The following OPRL1 variants were observed in gnomAD, a reference collection of about 807,000 sequenced individuals.
The protein encoded by OPRL1 is nociceptin receptor.
In OPRL1, 5 loss-of-function variants were observed where a neutral mutation model predicts 15.5. That is an observed-to-expected ratio of 0.32 (90% confidence interval 0.17 to 0.68). The LOEUF (loss-of-function observed/expected upper bound fraction) is 0.68. Ranked by LOEUF, OPRL1 falls within the 30% of genes least tolerant of loss-of-function variation. The probability of loss-of-function intolerance (pLI) is 0.72; values close to 1 mark genes in which losing one functional copy is unlikely to be tolerated. For synonymous variants in OPRL1, 223 were observed against 230.2 expected (o/e 0.97, Z 0.28); for missense variants, 406 against 515.3 (o/e 0.79, Z 2.05).
Position 64,099,736 on chromosome 20 carries a change from CTG to C in OPRL1, c.*939_*940del, listed in dbSNP as rs1979619116. 6.6e-6 allele frequency: 1 copy of C among 152,338 alleles called. No individual in the cohort carries two copies. Among genetic ancestry groups the C allele is most frequent in the Admixed American group, 6.5e-5 (1 of 15,290 alleles). The allele number at this position is 152,338 out of a possible 1,614,324, so 9.4% of individuals were successfully genotyped here. A position where few individuals can be genotyped will look rare whatever the true frequency, so the allele number is the denominator to read the frequency against. ...GCGCCGCGTGACCACATGGGCAGCT[CTG>C]TTCACAAAGTGGAGGCCTCGTTTTC... On this transcript the variant is annotated 3_prime_UTR_variant, in exon 5 of 5. Coordinates refer to ENST00000336866, the MANE Select transcript of OPRL1 (RefSeq NM_182647.4).
Position 64,083,869 on chromosome 20 carries a change from C to T in OPRL1, c.-185+3517C>T. ...GGGCGCGGACTCGCCCGCGGGCCTCCGCTGCCTTGAGGACGCCGAGGAGCC... is the reference window on the plus strand; with the variant it reads ...GGGCGCGGACTCGCCCGCGGGCCTCTGCTGCCTTGAGGACGCCGAGGAGCC... On this transcript the variant is annotated intron_variant, in intron 1 of 4. Transcript: ENST00000336866. This position sits in a 1 kb window ranked among gnomAD's most constrained non-coding sequence, Gnocchi z 4.9. 2 of 1,426,182 alleles carry T rather than the reference C, an allele frequency of 1.4e-6. No homozygotes were observed. Among genetic ancestry groups the T allele is most frequent in the South Asian group, 1.4e-5 (1 of 70,566 alleles). 88.3% of individuals were successfully genotyped at this position (1,426,182 alleles called of 1,614,324 possible). A position where few individuals can be genotyped will look rare whatever the true frequency, so the allele number is the denominator to read the frequency against.
chr20:64,088,614 A>G (rs1228687128), intron 1 of OPRL1, among the ~76,000 whole-genome samples: 1 of 137,116 alleles, frequency 7.3e-6, no homozygotes, highest in African/African-American at 2.7e-5. Context: ...ATCTGTGCAG[A>G]GTGGCCAGGA....
At chr20:64,084,023 C>T in intron 1 of OPRL1, 1 of 1,503,700 alleles carries the variant, frequency 6.7e-7, no homozygotes, top group Non-Finnish European at 8.8e-7. Flanking sequence ...CAGCAGGTCG[C>T]CGAAGAGCAG....
chr20:64,097,482 C>T lies in OPRL1; in HGVS notation c.234-320C>T, dbSNP rs745754330. Reference sequence around the variant, plus strand: ...TAAACCTTTGCTCCTGTGCAGAATCCGGGGTGTGTTCTGGTAGCCTACATG... The same window carrying T: ...TAAACCTTTGCTCCTGTGCAGAATCTGGGGTGTGTTCTGGTAGCCTACATG... On this transcript the variant is annotated intron_variant, in intron 3 of 4. Transcript: ENST00000336866. The surrounding 1 kb of genome is among the most constrained non-coding windows in gnomAD (Gnocchi z 4.2). Among the ~76,000 whole-genome samples, 5 of 152,154 alleles carry T rather than the reference C, an allele frequency of 3.3e-5. No individual in the cohort carries two copies. Among genetic ancestry groups the T allele is most frequent in the Admixed American group, 1.3e-4 (2 of 15,280 alleles).
chr20:64,085,713 C>A (rs946670277), intron 1 of OPRL1, among the ~76,000 whole-genome samples: 1 of 152,204 alleles, frequency 6.6e-6, no homozygotes, highest in Non-Finnish European at 1.5e-5. Flanking sequence ...CGCTGGGACA[C>A]CTTGCTGGGA....
rs891076399 is a variant in OPRL1 at position 64,090,655 on chromosome 20, G to A, written c.-184-1311G>A. On this transcript the variant is annotated intron_variant, in intron 1 of 4. Coordinates refer to ENST00000336866, the MANE Select transcript of OPRL1 (RefSeq NM_182647.4). This position sits in a 1 kb window ranked among gnomAD's most constrained non-coding sequence, Gnocchi z 4.9. The stretch of plus-strand genomic sequence containing the variant: ...TCAGTGGATCAGGCATGGGACCCCC[G>A]TGCTGAGAAGGAGGCAACTCTGAAG... Among the ~76,000 whole-genome samples, 3 of 152,194 alleles carry A rather than the reference G, an allele frequency of 2.0e-5. No homozygotes were observed. Among genetic ancestry groups the A allele is most frequent in the South Asian group, 2.1e-4 (1 of 4,834 alleles).
intron 1 of OPRL1, among the ~76,000 whole-genome samples, chr20:64,086,059 G>A (rs2060046413): frequency 1.3e-5 from 2 of 152,202 alleles, no homozygotes; most frequent in South Asian, 4.1e-4. Context: ...CTGGTCTCCA[G>A]AAGCAGCAGT....
Position 64,083,369 on chromosome 20 carries a change from G to A in OPRL1, c.-185+3017G>A, listed in dbSNP as rs767190967. The A allele has an allele frequency of 6.2e-7, 1 of 1,607,492 alleles. No individual in the cohort carries two copies. Reference sequence around the variant, plus strand: ...CTGGGGAGTGGCAGCAAAAAGACCAGCGAGCCTTCGGAGAATTATAACTTT... The same window carrying A: ...CTGGGGAGTGGCAGCAAAAAGACCAACGAGCCTTCGGAGAATTATAACTTT... On this transcript the variant is annotated intron_variant, in intron 1 of 4. Coordinates refer to ENST00000336866, the MANE Select transcript of OPRL1 (RefSeq NM_182647.4). This position sits in a 1 kb window ranked among gnomAD's most constrained non-coding sequence, Gnocchi z 4.9.
intron 1 of OPRL1, among the ~76,000 whole-genome samples, chr20:64,082,579 C>T (rs1020132055): frequency 2.6e-5 from 4 of 152,122 alleles, no homozygotes; most frequent in African/African-American, 9.7e-5. Flanking sequence ...TTCCTGCGGT[C>T]CCGCTTCTGT....
Position 64,099,056 on chromosome 20 carries a change from C to T in OPRL1, c.*257C>T, listed in dbSNP as rs897990228. On this transcript the variant is annotated 3_prime_UTR_variant, in exon 5 of 5. Coordinates refer to ENST00000336866, the MANE Select transcript of OPRL1 (RefSeq NM_182647.4). ...TAAAGCTGCCCTCCTGGTGCAGGGCCGAGGGGACACAAGGACCTACCTGGA... is the reference window on the plus strand; with the variant it reads ...TAAAGCTGCCCTCCTGGTGCAGGGCTGAGGGGACACAAGGACCTACCTGGA... 2 of 505,958 alleles carry T rather than the reference C, an allele frequency of 4.0e-6. No homozygotes were observed. The highest frequency in any genetic ancestry group is 1.9e-5 in the African/African-American group (1 of 51,456). 31.3% of individuals were successfully genotyped at this position (505,958 alleles called of 1,614,324 possible).
rs1979691508 is a variant in OPRL1, at chr20:64,100,424, T to C, written c.*1625T>C. The C allele has an allele frequency of 6.6e-6, 1 of 152,238 alleles. No homozygotes were observed. Among genetic ancestry groups the C allele is most frequent in the African/African-American group, 2.4e-5 (1 of 41,448 alleles). The allele number at this position is 152,238 out of a possible 1,614,324, so 9.4% of individuals were successfully genotyped here. The stretch of plus-strand genomic sequence containing the variant: ...GGAGGCTCATGCTGTCTCCATGACG[T>C]CTGTGGCAGGAGTCCCTGAGGACGG... On this transcript the variant is annotated 3_prime_UTR_variant, in exon 5 of 5. Coordinates refer to ENST00000336866, the MANE Select transcript of OPRL1 (RefSeq NM_182647.4).
Position 64,090,649 on chromosome 20 carries a change from AC to A in OPRL1, c.-184-1312del, listed in dbSNP as rs568517941. 3.8e-4 allele frequency among the ~76,000 whole-genome samples: 58 copies of A among 151,566 alleles called. No individual in the cohort carries two copies. In the South Asian group the frequency reaches 0.011, roughly 29 times the overall value. ...TTCATCTCAGTGGATCAGGCATGGGACCCCCGTGCTGAGAAGGAGGCAACTC... is the reference window on the plus strand; with the variant it reads ...TTCATCTCAGTGGATCAGGCATGGGACCCCGTGCTGAGAAGGAGGCAACTC... On this transcript the variant is annotated intron_variant, in intron 1 of 4. Coordinates refer to ENST00000336866, the MANE Select transcript of OPRL1 (RefSeq NM_182647.4). This position sits in a 1 kb window ranked among gnomAD's most constrained non-coding sequence, Gnocchi z 4.9.
intron 1 of OPRL1, among the ~76,000 whole-genome samples, chr20:64,088,132 C>T (rs1034041830): frequency 1.3e-5 from 2 of 152,256 alleles, no homozygotes; most frequent in Non-Finnish European, 2.9e-5. Flanking sequence ...CAGGCCTAGC[C>T]TGGCAGCCGT....
At chr20:64,081,303 C>T (rs1369387452) in intron 1 of OPRL1, among the ~76,000 whole-genome samples, 3 of 152,220 alleles carry the variant, frequency 2.0e-5, no homozygotes, top group African/African-American at 7.2e-5. Context: ...ATTCAGCCCA[C>T]ATAACACTCC....
At position 64,083,242 on chromosome 20, in the gene OPRL1, G is replaced by T; in HGVS notation, c.-185+2890G>T. On this transcript the variant is annotated intron_variant, in intron 1 of 4. Coordinates refer to ENST00000336866, the MANE Select transcript of OPRL1 (RefSeq NM_182647.4). This position sits in a 1 kb window ranked among gnomAD's most constrained non-coding sequence, Gnocchi z 4.9. ...CTGTTACTTTCACACCCACCCACTT[G>T]CGTCTCCCCACTTTTTTGGGAGAGG... is the stretch of plus-strand genomic sequence containing the variant. 2.7e-6 allele frequency: 2 copies of T among 732,638 alleles called. No homozygotes were observed. Among genetic ancestry groups the T allele is most frequent in the Non-Finnish European group, 4.4e-6 (2 of 454,640 alleles). 45.4% of individuals were successfully genotyped at this position (732,638 alleles called of 1,614,324 possible).
At chr20:64,088,732 A>AGGATCTGTGC (rs1227621820) in intron 1 of OPRL1, among the ~76,000 whole-genome samples, 1 of 12,582 alleles carries the variant, frequency 7.9e-5, no homozygotes, top group African/African-American at 2.6e-4. Flanking sequence ...GGATCTGTGC[A>AGGATCTGTGC]AGGGGTAGGA....
Position 64,093,022 on chromosome 20 carries a change from G to T in OPRL1, c.233+69G>T, listed in dbSNP as rs575515212. ...CTGCAGAGGGGGAAACTGAGACGGG[G>T]TCTGTTCTGGATGGGCCTGAGCAGG... On this transcript the variant is annotated intron_variant, in intron 3 of 4. Coordinates refer to ENST00000336866, the MANE Select transcript of OPRL1 (RefSeq NM_182647.4). 1.2e-3 allele frequency: 1,655 copies of T among 1,402,214 alleles called. 2 individuals are homozygous for T. Among genetic ancestry groups the T allele is most frequent in the Middle Eastern group, 2.0e-3 (11 of 5,540 alleles). The allele number at this position is 1,402,214 out of a possible 1,614,324, so 86.9% of individuals were successfully genotyped here. A position where few individuals can be genotyped will look rare whatever the true frequency, so the allele number is the denominator to read the frequency against.
chr20:64,098,235 C>T (rs954937506), intron 4 of OPRL1, 41 bp from the exon 5 acceptor site: 22 of 1,602,790 alleles, frequency 1.4e-5, no homozygotes, highest in Admixed American at 8.4e-5. Flanking sequence ...GTGCCCTCCA[C>T]GTCTCCTGGG....
chr20:64,088,862 G>GAGGCCAGGA (rs2060089896), intron 1 of OPRL1, among the ~76,000 whole-genome samples: 2 of 17,040 alleles, frequency 1.2e-4, no homozygotes, highest in Admixed American at 5.8e-4. Flanking sequence ...GGAGGGCAGG[G>GAGGCCAGGA]TCTGTGCAGA....
Sources: allele counts gnomAD v4.1 joint callset (sites outside exome capture counted in the v4.1 genomes callset), GRCh38; gene constraint gnomAD v4.1.1; non-coding constraint Gnocchi (gnomAD v3.1); transcripts MANE v1.5; gene names NCBI Gene and HGNC (gene_info 2026-07-23, HGNC 2026-07-21).